The following MYO5B variants were observed in gnomAD, a reference collection of about 807,000 sequenced individuals.
The protein encoded by MYO5B is unconventional myosin-Vb.
Under a neutral mutation model 229.3 loss-of-function variants are expected in MYO5B, and 143 were observed. The observed-to-expected ratio is 0.62, with a 90% CI of 0.54 to 0.72. The LOEUF (loss-of-function observed/expected upper bound fraction) is 0.72, where lower values mean the gene tolerates loss of function less well. Ranked by LOEUF, MYO5B falls within the 30% of genes least tolerant of loss-of-function variation. The pLI is 0.00. For synonymous variants in MYO5B, 918 were observed against 885.2 expected, an observed-to-expected ratio of 1.04 and a Z score of -0.66; for missense variants, 2,321 against 2,331.0, an observed-to-expected ratio of 1.00 and a Z score of 0.09.
intron 1 of MYO5B, among the ~76,000 whole-genome samples, chr18:50,060,315 T>G (rs938335146): frequency 6.6e-6 from 1 of 152,202 alleles, no homozygotes. Context: ...AGGCCATTAT[T>G]TTATGAGCCA....
At chr18:50,062,893 A>T (rs1247885378) in intron 1 of MYO5B, among the ~76,000 whole-genome samples, 1 of 152,166 alleles carries the variant, frequency 6.6e-6, no homozygotes, top group Non-Finnish European at 1.5e-5. Context: ...ATCATCAGGT[A>T]AGAGTCTACA....
At chr18:50,095,433 C>T (rs191461426) in intron 1 of MYO5B, among the ~76,000 whole-genome samples, 10 of 152,276 alleles carry the variant, frequency 6.6e-5, no homozygotes, top group East Asian at 5.8e-4. Context: ...GTTTAATCAC[C>T]GTGACATTTC....
At chr18:49,892,694 C>A (rs16951184) in intron 22 of MYO5B, among the ~76,000 whole-genome samples, 1 of 152,096 alleles carries the variant, frequency 6.6e-6, no homozygotes, top group African/African-American at 2.4e-5. Flanking sequence ...CAAAAAAAAG[C>A]CAGCCAGCTC....
At chr18:50,129,770 A>G (rs2032224626) in intron 1 of MYO5B, among the ~76,000 whole-genome samples, 1 of 152,208 alleles carries the variant, frequency 6.6e-6, no homozygotes, top group Non-Finnish European at 1.5e-5. Context: ...GCCAAAGTTC[A>G]AAAATCCTCT....
At chr18:49,936,440 G>C (rs980667441) in intron 15 of MYO5B, 91 bp from the exon 16 acceptor site, 2 of 904,972 alleles carry the variant, frequency 2.2e-6, no homozygotes, top group Admixed American at 2.0e-5. Flanking sequence ...GGTAGTTATT[G>C]TTACTATTAT....
At chr18:50,048,170 C>T (rs1376561864) in intron 2 of MYO5B, among the ~76,000 whole-genome samples, 2 of 151,782 alleles carry the variant, frequency 1.3e-5, no homozygotes, top group Non-Finnish European at 2.9e-5. Flanking sequence ...CTCTAACAGT[C>T]CCGTGTTTAA....
chr18:49,966,312 G>A (rs1356681575), intron 10 of MYO5B, among the ~76,000 whole-genome samples: 1 of 152,132 alleles, frequency 6.6e-6, no homozygotes, highest in African/African-American at 2.4e-5. Context: ...ATAATTCTAG[G>A]TTGAAAAAAC....
intron 1 of MYO5B, among the ~76,000 whole-genome samples, chr18:50,154,412 A>G (rs907251438): frequency 6.6e-6 from 1 of 152,172 alleles, no homozygotes; most frequent in Non-Finnish European, 1.5e-5. Flanking sequence ...AAGAACAGTT[A>G]ATGCTCCACC....
chr18:49,847,716 G>A (rs186119324), intron 32 of MYO5B, among the ~76,000 whole-genome samples: 3 of 152,350 alleles, frequency 2.0e-5, no homozygotes, highest in Admixed American at 6.5e-5. Context: ...GCTTGGCCTC[G>A]GCCTGGCCCA....
intron 10 of MYO5B, 81 bp downstream of exon 10, chr18:49,974,269 C>T (rs1598923410): frequency 1.3e-6 from 2 of 1,596,748 alleles, no homozygotes; most frequent in Middle Eastern, 1.7e-4. Flanking sequence ...AGGAAGCTCT[C>T]CAATGCCCCT....
At chr18:49,826,753 T>A in intron 39 of MYO5B, 130 bp from the exon 40 acceptor site, 1 of 1,110,120 alleles carries the variant, frequency 9.0e-7, no homozygotes, top group Non-Finnish European at 1.4e-6. Flanking sequence ...ACTTCAGGAC[T>A]AGGAGAATGT....
chr18:50,186,257 A>G (rs1296490063), intron 1 of MYO5B, among the ~76,000 whole-genome samples: 6 of 152,268 alleles, frequency 3.9e-5, no homozygotes. Context: ...ACGGAGGTCC[A>G]GAGAACATGC....
chr18:49,948,954 T>G (rs966558057), intron 14 of MYO5B, among the ~76,000 whole-genome samples: 6 of 152,246 alleles, frequency 3.9e-5, no homozygotes, highest in Non-Finnish European at 8.8e-5. Context: ...GTAGGATCTC[T>G]GAGATTCAGA....
chr18:49,953,566 T>C (rs139212882), intron 13 of MYO5B, among the ~76,000 whole-genome samples: 3 of 152,318 alleles, frequency 2.0e-5, no homozygotes, highest in Non-Finnish European at 2.9e-5. Context: ...GGAGTTCCCA[T>C]AATAAAAGGT....
chr18:49,842,231 C>T (rs576682078), intron 34 of MYO5B, among the ~76,000 whole-genome samples: 5 of 152,258 alleles, frequency 3.3e-5, no homozygotes, highest in Middle Eastern at 3.4e-3. Context: ...CTAGACTGGC[C>T]GAAGATTCCA....
At position 49,906,530 on chromosome 18, in the gene MYO5B, G is replaced by T. The variant is rs1030549638; in HGVS notation, c.2303C>A (p.Thr768Asn). 6.2e-7 allele frequency: 1 copy of T among 1,614,062 alleles called. No individual in the cohort carries two copies. The highest frequency in any genetic ancestry group is 2.2e-5 in the East Asian group (1 of 44,894). The change falls in exon 19 of 40, where the codon ACC becomes AAC. Residue 768 changes from threonine (T) to asparagine (N), a missense_variant. Transcript: ENST00000285039. ...KLRADKFRTA[T>N]IMIQKTVRGW... The stretch of plus-strand genomic sequence containing the variant: ...CCGGACAGTTTTCTGGATCATGATG[G>T]TGGCTGTCCGGAACTTGTCAGCCCG...
chr18:50,065,790 C>G (rs1335934061), intron 1 of MYO5B, among the ~76,000 whole-genome samples: 4 of 152,114 alleles, frequency 2.6e-5, no homozygotes, highest in African/African-American at 4.8e-5. Context: ...CACTGTGGGT[C>G]ATCGGGAAAG....
chr18:50,083,589 G>A (rs2031267007), intron 1 of MYO5B, among the ~76,000 whole-genome samples: 1 of 152,210 alleles, frequency 6.6e-6, no homozygotes, highest in Admixed American at 6.5e-5. Flanking sequence ...CATGCTGCAT[G>A]TGACACGTGG....
At chr18:50,005,033 C>G (rs1342975367) in intron 4 of MYO5B, among the ~76,000 whole-genome samples, 1 of 152,188 alleles carries the variant, frequency 6.6e-6, no homozygotes, top group African/African-American at 2.4e-5. Context: ...CCCTGAAGCC[C>G]AAGCTCTTCT....
Sources: gnomAD v4.1 joint callset for allele counts (sites outside exome capture counted in the v4.1 genomes callset) on GRCh38, gnomAD v4.1.1 for gene constraint, MANE v1.5 for transcripts, NCBI Gene and HGNC (gene_info 2026-07-23, HGNC 2026-07-21) for gene names.